Variants in MAPRE3 observed in about 807,000 individuals in gnomAD.
MAPRE3 encodes the protein microtubule-associated protein RP/EB family member 3.
A neutral mutation model predicts 30.5 loss-of-function variants in MAPRE3; 2 were observed. The observed-to-expected ratio is 0.07, with a 90% CI of 0.03 to 0.21. The LOEUF is 0.21. Among genes scored for constraint, MAPRE3 ranks in the 10% least tolerant of loss-of-function variants. MAPRE3 has a pLI of 1.00. For missense variants in MAPRE3, 204 were observed against 351.8 expected (o/e 0.58, Z 3.36); for synonymous variants, 110 against 127.7 (o/e 0.86, Z 0.93).
At chr2:26,976,451 G>C (rs1236185588) in intron 1 of MAPRE3, among the ~76,000 whole-genome samples, 1 of 152,250 alleles carries the variant, frequency 6.6e-6, no homozygotes, top group East Asian at 1.9e-4. Flanking sequence ...GTACAATTTC[G>C]TGTGACAGTT....
intron 1 of MAPRE3, chr2:27,014,054 G>A (rs1185160118): frequency 6.6e-6 from 1 of 152,196 alleles, no homozygotes; most frequent in East Asian, 1.9e-4. Flanking sequence ...TCTGCTGGGA[G>A]CCTTGGATTG....
At chr2:26,984,414 A>C (rs1055572687) in intron 1 of MAPRE3, among the ~76,000 whole-genome samples, 1 of 152,220 alleles carries the variant, frequency 6.6e-6, no homozygotes. Flanking sequence ...TATTTTTTTT[A>C]AACATGGAAT....
chr2:27,023,492 T>C lies in MAPRE3; in HGVS notation c.267+15T>C, dbSNP rs1558388140. 2 of 1,613,494 alleles carry C rather than the reference T, an allele frequency of 1.2e-6. No individual in the cohort carries two copies. Among genetic ancestry groups the C allele is most frequent in the Non-Finnish European group, 8.5e-7 (1 of 1,179,810 alleles). On this transcript the variant is annotated intron_variant, in intron 3 of 6. Coordinates refer to ENST00000233121, the MANE Select transcript of MAPRE3 (RefSeq NM_012326.4). Reference sequence around the variant, plus strand: ...GTGTTGACAAAGTAGGTGCCTGCGCTCTGGGGGGCCCTGAGGAGCAGTGTG... The same window carrying C: ...GTGTTGACAAAGTAGGTGCCTGCGCCCTGGGGGGCCCTGAGGAGCAGTGTG...
At chr2:27,023,504 T>C in intron 3 of MAPRE3, 27 bp downstream of exon 3, 1 of 1,612,574 alleles carries the variant, frequency 6.2e-7, no homozygotes, top group Non-Finnish European at 8.5e-7. Context: ...TGGGGGGCCC[T>C]GAGGAGCAGT....
chr2:26,987,706 A>G (rs1666253145), intron 1 of MAPRE3, among the ~76,000 whole-genome samples: 1 of 152,184 alleles, frequency 6.6e-6, no homozygotes, highest in African/African-American at 2.4e-5. Context: ...AATTTCAAAA[A>G]GAGATCTGAC....
chr2:27,018,207 A>G (rs1480098254), intron 1 of MAPRE3, among the ~76,000 whole-genome samples: 1 of 152,170 alleles, frequency 6.6e-6, no homozygotes, highest in Non-Finnish European at 1.5e-5. Context: ...AGAACCACCC[A>G]AGACCAGATC....
chr2:26,970,987 TG>T (rs1225545631), intron 1 of MAPRE3, among the ~76,000 whole-genome samples, 185 bp downstream of exon 1: 9 of 150,994 alleles, frequency 6.0e-5, no homozygotes, highest in Admixed American at 2.0e-4. Flanking sequence ...CCTCCGGCCT[TG>T]GCGGCCCGGC....
chr2:26,995,842 T>TGTGTGTGTGTTG (rs1572753429), intron 1 of MAPRE3, among the ~76,000 whole-genome samples: 1 of 150,118 alleles, frequency 6.7e-6, no homozygotes, highest in Non-Finnish European at 1.5e-5. Flanking sequence ...TGTGTGTGTG[T>TGTGTGTGTGTTG]TTTGGAAAAG....
At chr2:26,971,404 G>T (rs945183770) in intron 1 of MAPRE3, among the ~76,000 whole-genome samples, 5 of 152,196 alleles carry the variant, frequency 3.3e-5, no homozygotes, top group Admixed American at 3.3e-4. Context: ...ATTTGGCTGG[G>T]AAGGGTTCAG....
At chr2:26,997,145 T>A (rs1666479333) in intron 1 of MAPRE3, among the ~76,000 whole-genome samples, 1 of 152,068 alleles carries the variant, frequency 6.6e-6, no homozygotes, top group South Asian at 2.1e-4. Context: ...TCCCCAACCT[T>A]TTTGGCACCA....
chr2:26,988,174 G>A (rs1458100260), intron 1 of MAPRE3, among the ~76,000 whole-genome samples: 1 of 152,212 alleles, frequency 6.6e-6, no homozygotes, highest in Admixed American at 6.5e-5. Flanking sequence ...CCACAGCAAA[G>A]TGATACCATT....
chr2:26,996,064 G>A (rs777456529), intron 1 of MAPRE3, among the ~76,000 whole-genome samples: 5 of 151,840 alleles, frequency 3.3e-5, no homozygotes, highest in Non-Finnish European at 7.4e-5. Context: ...TCCTGCTTCT[G>A]GGGTTTGTTC....
intron 1 of MAPRE3, among the ~76,000 whole-genome samples, chr2:26,994,564 A>G (rs1055559453): frequency 2.0e-5 from 3 of 152,164 alleles, no homozygotes; most frequent in South Asian, 2.1e-4. Flanking sequence ...ATAATAAGCC[A>G]TCCCCTTTTT....
At chr2:26,993,073 T>C (rs1666381232) in intron 1 of MAPRE3, among the ~76,000 whole-genome samples, 1 of 152,016 alleles carries the variant, frequency 6.6e-6, no homozygotes, top group Non-Finnish European at 1.5e-5. Flanking sequence ...TGAGGTAAAA[T>C]ATTAGGACGT....
Position 26,974,974 on chromosome 2 carries a change from G to A in MAPRE3, c.-8+4172G>A, listed in dbSNP as rs186002690. On this transcript the variant is annotated intron_variant, in intron 1 of 6. Transcript: ENST00000233121. ...CAGCACCCCTCTCGGTATTTGACAC[G>A]AACAGAGAAAAGGTTTGTACCGGGA... is the stretch of plus-strand genomic sequence containing the variant. 2.4e-4 allele frequency among the ~76,000 whole-genome samples: 37 copies of A among 152,274 alleles called. 1 individual carries two copies. The highest frequency in any genetic ancestry group is 4.7e-4 in the Non-Finnish European group (32 of 68,028).
At chr2:26,989,633 A>G (rs1666294085) in intron 1 of MAPRE3, among the ~76,000 whole-genome samples, 1 of 152,228 alleles carries the variant, frequency 6.6e-6, no homozygotes, top group African/African-American at 2.4e-5. Context: ...GAGCTGGTGT[A>G]GAGGAGGGTG....
chr2:27,011,304 C>A (rs1040394974), intron 1 of MAPRE3, among the ~76,000 whole-genome samples: 9 of 152,218 alleles, frequency 5.9e-5, no homozygotes, highest in African/African-American at 1.9e-4. Flanking sequence ...AACTGCTGAT[C>A]CCCCTCTCAT....
At position 27,007,875 on chromosome 2, in the gene MAPRE3, G is replaced by A. The variant is rs189856110; in HGVS notation, c.-7-14337G>A. Among the ~76,000 whole-genome samples the A allele has an allele frequency of 4.3e-4, 65 of 152,362 alleles. No homozygotes were observed. In the East Asian group the frequency reaches 0.01, roughly 24 times the overall value. On this transcript the variant is annotated intron_variant, in intron 1 of 6. Transcript: ENST00000233121. ...AAGTATTTGATTCTACTCAGAGAAT[G>A]ACTATTCTATTTATGACCTCAAGGT...
chr2:26,980,120 G>A (rs909954839), intron 1 of MAPRE3, among the ~76,000 whole-genome samples: 3 of 152,216 alleles, frequency 2.0e-5, no homozygotes, highest in Non-Finnish European at 4.4e-5. Flanking sequence ...TGGGAAATTA[G>A]GATGATTCAG....
Sources: gnomAD v4.1 joint callset for allele counts (sites outside exome capture counted in the v4.1 genomes callset) on GRCh38, gnomAD v4.1.1 for gene constraint, MANE v1.5 for transcripts, NCBI Gene and HGNC (gene_info 2026-07-23, HGNC 2026-07-21) for gene names.